The following TRIM72 variants were observed in gnomAD, a reference collection of about 807,000 sequenced individuals.
The protein encoded by TRIM72 is tripartite motif-containing protein 72.
TRIM72 carries 33 observed loss-of-function variants against 31.6 expected under a neutral mutation model. The ratio of observed to expected loss-of-function variants is 1.04; its 90% CI spans 0.79 to 1.40. The LOEUF (loss-of-function observed/expected upper bound fraction) is 1.40. Among genes scored for constraint, TRIM72 ranks in the 40% most tolerant of loss-of-function variants. The probability of loss-of-function intolerance (pLI) is 0.00; values close to 1 mark genes in which losing one functional copy is unlikely to be tolerated. For missense variants in TRIM72, 666 were observed against 682.7 expected, an observed-to-expected ratio of 0.98 and a Z score of 0.27; for synonymous variants, 301 against 314.4, an observed-to-expected ratio of 0.96 and a Z score of 0.45.
chr16:31,224,137 C>G, intron 6 of TRIM72, 44 bp from the exon 7 acceptor site: 1 of 1,579,836 alleles, frequency 6.3e-7, no homozygotes, highest in Non-Finnish European at 8.5e-7. Context: ...AAGACCCCAG[C>G]GAGGCAGAAA....
rs762467064 is a variant in TRIM72 at position 31,224,790 on chromosome 16, T to C, written c.*35T>C. 442 of 1,423,868 alleles carry C rather than the reference T, an allele frequency of 3.1e-4. No homozygotes were observed. Among genetic ancestry groups the C allele is most frequent in the Middle Eastern group, 2.0e-3 (9 of 4,420 alleles). The allele number at this position is 1,423,868 out of a possible 1,614,324, so 88.2% of individuals were successfully genotyped here. ...CGGGTAGTGGAGGGGCGCGGGGGCC[T>C]GGGTTGAAGCTTAGGTCTCCTTGGT... On this transcript the variant is annotated 3_prime_UTR_variant, in exon 7 of 7. Transcript: ENST00000322122.
chr16:31,220,351 T>A (rs545283506), intron 4 of TRIM72, among the ~76,000 whole-genome samples: 1 of 151,832 alleles, frequency 6.6e-6, no homozygotes, highest in Admixed American at 6.6e-5. Flanking sequence ...TTAGGACAGT[T>A]TTCTAACAGG....
At chr16:31,221,826 A>G (rs964553484) in intron 5 of TRIM72, among the ~76,000 whole-genome samples, 6 of 146,738 alleles carry the variant, frequency 4.1e-5, no homozygotes, top group African/African-American at 1.5e-4. Context: ...TGCTGGGAGA[A>G]GAAGGGCATT....
In TRIM72 at chr16:31,219,460, CG is replaced by C. The variant is rs761073087; in HGVS notation, c.660del (p.Gln221ArgfsTer19). 2.2e-5 allele frequency: 36 copies of C among 1,611,878 alleles called. No homozygotes were observed. Among genetic ancestry groups the C allele is most frequent in the Non-Finnish European group, 1.7e-6 (2 of 1,179,394 alleles). On this transcript the variant is annotated frameshift_variant, in exon 4 of 7. Coordinates refer to ENST00000322122, the MANE Select transcript of TRIM72 (RefSeq NM_001008274.4). LOFTEE classifies it high-confidence loss of function. This position sits in a 1 kb window ranked among gnomAD's most constrained non-coding sequence, Gnocchi z 4.2. ...GSLNSYLEQL[R>X]QMEKVLEEVA... ...CCTGAACTCTTACCTGGAGCAGCTG[CG>C]GCAGATGGAGAAGGTCCTGGAGGAG...
rs779026525 is a variant in TRIM72 at position 31,224,595 on chromosome 16, CCTT to C, written c.1277_1279del (p.Phe426del). ...CTGAGCTTCGGCGACGGCGTCCTCT[CCTT>C]CTACGATGCCAGCGACGCCGACGCG... On this transcript the variant is annotated inframe_deletion, in exon 7 of 7. Coordinates refer to ENST00000322122, the MANE Select transcript of TRIM72 (RefSeq NM_001008274.4). 2.4e-5 allele frequency: 37 copies of C among 1,556,132 alleles called. No individual in the cohort carries two copies. The highest frequency in any genetic ancestry group is 2.7e-5 in the Non-Finnish European group (31 of 1,156,474).
rs143253327 is a variant in TRIM72, at chr16:31,219,315, C to T, written c.513C>T (p.Ala171=). Residue 171 remains alanine, a synonymous_variant, in exon 4 of 7, where the codon GCC becomes GCT. Transcript: ENST00000322122. The surrounding 1 kb of genome is among the most constrained non-coding windows in gnomAD (Gnocchi z 4.2). ...AGACAGTGCGTCAGTTCCGGGGGGC[C>T]GTGGGGGAGCAGCTGGGCAAGATGC... is the stretch of plus-strand genomic sequence containing the variant. ...VEETVRQFRG[A]VGEQLGKMRV... is the part of the protein sequence containing the mutation. 77 of 1,613,962 alleles carry T rather than the reference C, an allele frequency of 4.8e-5. No homozygotes were observed. The highest frequency in any genetic ancestry group is 3.8e-4 in the Admixed American group (23 of 59,996).
At chr16:31,217,556 T>C (rs2144191110) in intron 2 of TRIM72, among the ~76,000 whole-genome samples, 1 of 151,210 alleles carries the variant, frequency 6.6e-6, no homozygotes, top group Non-Finnish European at 1.5e-5. Flanking sequence ...ATTTGCATAT[T>C]TGCATTTGAG....
chr16:31,215,535 C>A lies in TRIM72; in HGVS notation c.390+407C>A, dbSNP rs1197423704. 6.6e-6 allele frequency among the ~76,000 whole-genome samples: 1 copy of A among 152,112 alleles called. No homozygotes were observed. The highest frequency in any genetic ancestry group is 2.4e-5 in the African/African-American group (1 of 41,438). ...CCGTTCGGGCTGGCTCCCTGCTCGG[C>A]GCTGGCCCACTTTGGACTGGAGGCG... is the stretch of plus-strand genomic sequence containing the variant. On this transcript the variant is annotated intron_variant, in intron 2 of 6. Coordinates refer to ENST00000322122, the MANE Select transcript of TRIM72 (RefSeq NM_001008274.4). The surrounding 1 kb of genome is among the most constrained non-coding windows in gnomAD (Gnocchi z 6.3).
At position 31,224,591 on chromosome 16, in the gene TRIM72, C is replaced by G. The variant is rs779193788; in HGVS notation, c.1270C>G (p.Leu424Val). ...TTACCTGAGCTTCGGCGACGGCGTCCTCTCCTTCTACGATGCCAGCGACGC... is the reference window on the plus strand; with the variant it reads ...TTACCTGAGCTTCGGCGACGGCGTCGTCTCCTTCTACGATGCCAGCGACGC... Reference protein sequence around the residue: ...GLYLSFGDGVLSFYDASDADA... With the variant: ...GLYLSFGDGVVSFYDASDADA... The change falls in exon 7 of 7, where the codon CTC becomes GTC. Residue 424 changes from leucine (L) to valine (V), a missense_variant. By Grantham distance (32) the Leu-to-Val change is conservative. Coordinates refer to ENST00000322122, the MANE Select transcript of TRIM72 (RefSeq NM_001008274.4). The G allele has an allele frequency of 1.3e-6, 2 of 1,555,680 alleles. No homozygotes were observed. The highest frequency in any genetic ancestry group is 1.7e-6 in the Non-Finnish European group (2 of 1,156,336).
In TRIM72 at chr16:31,214,838, T is replaced by C; in HGVS notation, c.100T>C (p.Cys34Arg). The change falls in exon 2 of 7, where the codon TGC (cysteine) becomes CGC (arginine). Residue 34 changes from cysteine (C) to arginine (R), a missense_variant. Transcript: ENST00000322122. Reference protein sequence around the residue: ...PVTAECGHSFCRACLGRVAGE... With the variant: ...PVTAECGHSFRRACLGRVAGE... ...GACAGCCGAGTGCGGCCACAGTTTC[T>C]GCCGCGCCTGCCTAGGCCGCGTGGC... 1 of 1,552,044 alleles carries C rather than the reference T, an allele frequency of 6.4e-7. No homozygotes were observed. Among genetic ancestry groups the C allele is most frequent in the Non-Finnish European group, 8.6e-7 (1 of 1,158,706 alleles).
Position 31,225,956 on chromosome 16 carries a change from C to G in TRIM72, c.*1201C>G, listed in dbSNP as rs1302856364. ...GAGCCACTGCACCTGGCTGAAAATG[C>G]TCATTTTTTTTTTTTTAATTTAGTT... On this transcript the variant is annotated 3_prime_UTR_variant, in exon 7 of 7. Coordinates refer to ENST00000322122, the MANE Select transcript of TRIM72 (RefSeq NM_001008274.4). The G allele has an allele frequency of 2.0e-5, 3 of 151,504 alleles. No homozygotes were observed. Among genetic ancestry groups the G allele is most frequent in the Non-Finnish European group, 4.4e-5 (3 of 67,940 alleles). The allele number at this position is 151,504 out of a possible 1,614,324, so 9.4% of individuals were successfully genotyped here. A position where few individuals can be genotyped will look rare whatever the true frequency, so the allele number is the denominator to read the frequency against.
chr16:31,215,990 A>G lies in TRIM72; in HGVS notation c.390+862A>G, dbSNP rs2079506276. ...AGTCTGCCATGAATATTTATTGGGC[A>G]GTGGAAGAATAAATGACAGGTGCAG... On this transcript the variant is annotated intron_variant, in intron 2 of 6. Transcript: ENST00000322122. The surrounding 1 kb of genome is among the most constrained non-coding windows in gnomAD (Gnocchi z 6.3). The G allele has an allele frequency of 6.6e-6, 1 of 152,228 alleles. No individual in the cohort carries two copies. The highest frequency in any genetic ancestry group is 1.5e-5 in the Non-Finnish European group (1 of 68,052). The allele number at this position is 152,228 out of a possible 1,614,324, so 9.4% of individuals were successfully genotyped here.
chr16:31,222,152 G>T (rs556680318), intron 5 of TRIM72, among the ~76,000 whole-genome samples: 32 of 152,250 alleles, frequency 2.1e-4, no homozygotes, highest in African/African-American at 7.5e-4. Flanking sequence ...AAGCACTTTG[G>T]GAGGCTGAGG....
chr16:31,224,296 G>C lies in TRIM72; in HGVS notation c.975G>C (p.Pro325=), dbSNP rs1286252968. 1.2e-6 allele frequency: 2 copies of C among 1,602,328 alleles called. No individual in the cohort carries two copies. Among genetic ancestry groups the C allele is most frequent in the Non-Finnish European group, 1.7e-6 (2 of 1,177,750 alleles). ...AGGCGCCGCCGGCCGGGGAGGACCC[G>C]CGCCAGTTCGACAAGGCGGTGGCGG... ...EQKAPPAGED[P]RQFDKAVAVV... The change falls in exon 7 of 7, where the codon CCG becomes CCC. Residue 325 remains proline (P), a synonymous_variant. Coordinates refer to ENST00000322122, the MANE Select transcript of TRIM72 (RefSeq NM_001008274.4).
chr16:31,215,049 T>C lies in TRIM72; in HGVS notation c.311T>C (p.Val104Ala), dbSNP rs949548449. 4 of 1,487,134 alleles carry C rather than the reference T, an allele frequency of 2.7e-6. No individual in the cohort carries two copies. Among genetic ancestry groups the C allele is most frequent in the Non-Finnish European group, 3.5e-6 (4 of 1,128,034 alleles). The allele number at this position is 1,487,134 out of a possible 1,614,324, so 92.1% of individuals were successfully genotyped here. Residue 104 changes from valine (V) to alanine (A), a missense_variant, in exon 2 of 7, where the codon GTG (valine) becomes GCG (alanine). Coordinates refer to ENST00000322122, the MANE Select transcript of TRIM72 (RefSeq NM_001008274.4). This position sits in a 1 kb window ranked among gnomAD's most constrained non-coding sequence, Gnocchi z 6.3. ...TACTGCGAGCAGGACCGCGCGCTGG[T>C]GTGCGGAGTGTGCGCCTCACTCGGC... ...SIYCEQDRAL[V>A]CGVCASLGSH... is the part of the protein sequence containing the mutation.
At chr16:31,223,999 AATCATGGCCTC>A (rs909530473) in intron 6 of TRIM72, among the ~76,000 whole-genome samples, 171 bp from the exon 7 acceptor site, 4 of 152,330 alleles carry the variant, frequency 2.6e-5, no homozygotes, top group Admixed American at 2.6e-4. Context: ...GGAGGGAAGC[AATCATGGCCTC>A]ATCTCACAGC....
intron 5 of TRIM72, 96 bp downstream of exon 5, chr16:31,221,014 C>A: frequency 1.3e-6 from 2 of 1,483,226 alleles, no homozygotes; most frequent in South Asian, 2.3e-5. Context: ...TGCCTGCACA[C>A]CCGCAATTCA....
Position 31,224,819 on chromosome 16 carries a change from G to C in TRIM72, c.*64G>C. Reference sequence around the variant, plus strand: ...TTGAAGCTTAGGTCTCCTTGGTCGGGTCTGACGGGAGAAGGGTGGGGAGCG... The same window carrying C: ...TTGAAGCTTAGGTCTCCTTGGTCGGCTCTGACGGGAGAAGGGTGGGGAGCG... On this transcript the variant is annotated 3_prime_UTR_variant, in exon 7 of 7. Coordinates refer to ENST00000322122, the MANE Select transcript of TRIM72 (RefSeq NM_001008274.4). 1 of 1,393,816 alleles carries C rather than the reference G, an allele frequency of 7.2e-7. No homozygotes were observed. Among genetic ancestry groups the C allele is most frequent in the Non-Finnish European group, 9.3e-7 (1 of 1,075,278 alleles). 86.3% of individuals were successfully genotyped at this position (1,393,816 alleles called of 1,614,324 possible).
chr16:31,222,584 G>A (rs2079538847), intron 5 of TRIM72, among the ~76,000 whole-genome samples: 1 of 149,696 alleles, frequency 6.7e-6, no homozygotes, highest in Non-Finnish European at 1.5e-5. Context: ...TGAGCAGCTG[G>A]GACTACACTC....
Sources: allele counts gnomAD v4.1 joint callset (sites outside exome capture counted in the v4.1 genomes callset), GRCh38; gene constraint gnomAD v4.1.1; non-coding constraint Gnocchi (gnomAD v3.1); transcripts MANE v1.5; gene names NCBI Gene and HGNC (gene_info 2026-07-23, HGNC 2026-07-21).